Variants in LHX6 observed in about 807,000 individuals in gnomAD.
The protein encoded by LHX6 is LIM homeobox 6.
Under a neutral mutation model 47.1 loss-of-function variants are expected in LHX6, and 15 were observed. The observed-to-expected ratio is 0.32, with a 90% CI of 0.21 to 0.49. LHX6 has a LOEUF of 0.49. Among genes scored for constraint, LHX6 ranks in the 20% least tolerant of loss-of-function variants. The pLI is 0.99. For synonymous variants in LHX6, 242 were observed against 233.5 expected (o/e 1.04, Z -0.33); for missense variants, 404 against 539.6 (o/e 0.75, Z 2.49).
At chr9:122,216,608 A>G (rs1036951027) in intron 5 of LHX6, among the ~76,000 whole-genome samples, 2 of 152,166 alleles carry the variant, frequency 1.3e-5, no homozygotes, top group Admixed American at 1.3e-4. Flanking sequence ...TGGAGCTGCT[A>G]GGATAGGAAA....
chr9:122,226,912 G>A lies in LHX6; in HGVS notation c.275C>T (p.Pro92Leu). The A allele has an allele frequency of 1.3e-6, 2 of 1,563,510 alleles. No individual in the cohort carries two copies. The highest frequency in any genetic ancestry group is 1.7e-6 in the Non-Finnish European group (2 of 1,153,980). The change falls in exon 3 of 10, where the codon CCG (proline) becomes CTG (leucine). Residue 92 changes from proline to leucine, a missense_variant. Pro to Leu is a moderately conservative substitution (Grantham distance 98). This residue lies in a region of LHX6 where 144 missense variants were observed against 128.7 expected (regional missense o/e 1.12). Coordinates refer to ENST00000394319, the MANE Select transcript of LHX6 (RefSeq NM_014368.5). This position sits in a 1 kb window ranked among gnomAD's most constrained non-coding sequence, Gnocchi z 6.5. ...CSPPSAASSV[P>L]SAGKNICSSC... ...GGAGCAGATGTTCTTGCCTGCAGAC[G>A]GCACGGAGGAGGCGGCAGAGGGCGG...
intron 4 of LHX6, among the ~76,000 whole-genome samples, chr9:122,219,434 G>A (rs1265264784): frequency 6.6e-6 from 1 of 152,206 alleles, no homozygotes; most frequent in Non-Finnish European, 1.5e-5. Context: ...GCAGTAAAGG[G>A]GAGAGGAAAC....
In LHX6 at chr9:122,203,875, C is replaced by G. The variant is rs1255725196; in HGVS notation, c.*885G>C. 2 of 152,378 alleles carry G rather than the reference C, an allele frequency of 1.3e-5. No homozygotes were observed. The highest frequency in any genetic ancestry group is 2.9e-5 in the Non-Finnish European group (2 of 68,116). The allele number at this position is 152,378 out of a possible 1,614,324, so 9.4% of individuals were successfully genotyped here. A position where few individuals can be genotyped will look rare whatever the true frequency, so the allele number is the denominator to read the frequency against. ...CTATGAGAGGTCAACAAGTGGCCAA[C>G]AGGGGTCCCCAACTCTAACCTGTCC... On this transcript the variant is annotated 3_prime_UTR_variant, in exon 10 of 10. Coordinates refer to ENST00000394319, the MANE Select transcript of LHX6 (RefSeq NM_014368.5).
rs1373371597 is a variant in LHX6, at chr9:122,213,652, G to C, written c.1008C>G (p.Ser336Arg). 2 of 1,610,358 alleles carry C rather than the reference G, an allele frequency of 1.2e-6. No individual in the cohort carries two copies. The highest frequency in any genetic ancestry group is 1.1e-5 in the South Asian group (1 of 90,982). The change falls in exon 8 of 10, where the codon AGC becomes AGG. Residue 336 changes from serine to arginine, a missense_variant. Ser to Arg is a moderately radical substitution (Grantham distance 110). Coordinates refer to ENST00000394319, the MANE Select transcript of LHX6 (RefSeq NM_014368.5). This position sits in a 1 kb window ranked among gnomAD's most constrained non-coding sequence, Gnocchi z 5.5. ...LSDDIHYTPF[S>R]SPERARMVTL... is the part of the protein sequence containing the mutation. ...TGACCATGCGCGCCCGCTCGGGGCTGCTGAACGGGGTGTAGTGGATGTCGT... is the reference window on the plus strand; with the variant it reads ...TGACCATGCGCGCCCGCTCGGGGCTCCTGAACGGGGTGTAGTGGATGTCGT...
intron 4 of LHX6, among the ~76,000 whole-genome samples, chr9:122,223,948 T>C (rs572577705): frequency 1.2e-4 from 18 of 152,218 alleles, no homozygotes; most frequent in Admixed American, 8.5e-4. Context: ...TTCTGCTGGG[T>C]TCCCAAGCTG....
At position 122,203,586 on chromosome 9, in the gene LHX6, G is replaced by T. The variant is rs1444119369; in HGVS notation, c.*1174C>A. 1 of 152,708 alleles carries T rather than the reference G, an allele frequency of 6.5e-6. No individual in the cohort carries two copies. The highest frequency in any genetic ancestry group is 1.5e-5 in the Non-Finnish European group (1 of 68,110). 9.5% of individuals were successfully genotyped at this position (152,708 alleles called of 1,614,324 possible). A position where few individuals can be genotyped will look rare whatever the true frequency, so the allele number is the denominator to read the frequency against. On this transcript the variant is annotated 3_prime_UTR_variant, in exon 10 of 10. Transcript: ENST00000394319. ...GAGCCCTTTTGTTTGGGGTGGAAGA[G>T]TTGTAGCAGGATGGATGTTACGCAG...
chr9:122,221,476 C>T (rs773424099), intron 4 of LHX6: 99 of 985,394 alleles, frequency 1.0e-4, no homozygotes, highest in Non-Finnish European at 1.1e-4. Flanking sequence ...GGGCTCAAGG[C>T]GGAGGGCCAG....
chr9:122,228,431 A>G, intron 1 of LHX6: 1 of 1,461,908 alleles, frequency 6.8e-7, no homozygotes, highest in African/African-American at 1.4e-5. Context: ...TCTTTACTAA[A>G]TCGCTTTTTG....
intron 9 of LHX6, 147 bp downstream of exon 9, chr9:122,209,467 G>A (rs781531171): frequency 4.2e-6 from 5 of 1,199,466 alleles, no homozygotes; most frequent in Admixed American, 2.0e-5. Context: ...TGACTGCTGT[G>A]GGGGTGCGGT....
chr9:122,208,547 T>C (rs1830273262), intron 9 of LHX6, among the ~76,000 whole-genome samples: 1 of 152,122 alleles, frequency 6.6e-6, no homozygotes, highest in Admixed American at 6.5e-5. Context: ...AAATGTAAGG[T>C]TCGGCCGGGC....
chr9:122,221,740 C>A (rs755337854), intron 4 of LHX6: 249 of 985,438 alleles, frequency 2.5e-4, no homozygotes, highest in Non-Finnish European at 2.9e-4. Flanking sequence ...AGCCACACAT[C>A]AGAAAACACA....
At chr9:122,228,301 G>A (rs1463510950) in intron 1 of LHX6, 1 of 1,534,850 alleles carries the variant, frequency 6.5e-7, no homozygotes, top group Non-Finnish European at 8.7e-7. Flanking sequence ...TCGGCGCGCC[G>A]GGTACCGGCC....
At chr9:122,210,861 CCTGA>C (rs1252007120) in intron 8 of LHX6, among the ~76,000 whole-genome samples, 1 of 152,170 alleles carries the variant, frequency 6.6e-6, no homozygotes, top group Non-Finnish European at 1.5e-5. Context: ...CCACGCCCAG[CCTGA>C]CTTACTGCAT....
intron 4 of LHX6, chr9:122,221,455 C>T (rs1015778343): frequency 2.0e-6 from 2 of 985,386 alleles, no homozygotes; most frequent in South Asian, 4.7e-5. Context: ...CTGGAGCCCG[C>T]GACAGAGCTT....
intron 4 of LHX6, chr9:122,221,829 A>G: frequency 3.9e-6 from 2 of 509,330 alleles, no homozygotes; most frequent in Non-Finnish European, 5.1e-6. Flanking sequence ...CGGGTGGCTG[A>G]TATATCTCAC....
chr9:122,216,999 G>C (rs1830617948), intron 5 of LHX6, 69 bp downstream of exon 5: 4 of 1,342,426 alleles, frequency 3.0e-6, no homozygotes. Flanking sequence ...GGTGGTTCCT[G>C]GGGTGCTGGG....
Position 122,214,104 on chromosome 9 carries a change from GCA to G in LHX6, c.784-37_784-36del. ...GGGGAGGGCGGTGAGGCGCTCGCAC[GCA>G]GAGACTCCGAGACCCCGGCCCAATC... On this transcript the variant is annotated intron_variant, in intron 6 of 9. Transcript: ENST00000394319. The surrounding 1 kb of genome is among the most constrained non-coding windows in gnomAD (Gnocchi z 4.6). 6.4e-7 allele frequency: 1 copy of G among 1,565,578 alleles called. No homozygotes were observed. Among genetic ancestry groups the G allele is most frequent in the Non-Finnish European group, 8.7e-7 (1 of 1,154,622 alleles).
At chr9:122,227,574 A>G (rs969042698) in intron 1 of LHX6, 94 bp from the exon 2 acceptor site, 5 of 1,412,782 alleles carry the variant, frequency 3.5e-6, no homozygotes, top group African/African-American at 1.5e-5. Flanking sequence ...TGTTATATAA[A>G]CCGGCGCCGA....
chr9:122,215,339 A>G (rs77874797), intron 5 of LHX6, among the ~76,000 whole-genome samples: 2,130 of 152,352 alleles, frequency 0.014, 36 homozygotes, highest in African/African-American at 0.049. Flanking sequence ...CTTTTTGCTT[A>G]CCGTCTTTTC....
Sources: gnomAD v4.1 joint callset for allele counts (sites outside exome capture counted in the v4.1 genomes callset) on GRCh38, gnomAD v4.1.1 for gene constraint, gnomAD v4.1.1 regional missense constraint, Gnocchi (gnomAD v3.1) non-coding constraint, MANE v1.5 for transcripts, NCBI Gene and HGNC (gene_info 2026-07-23, HGNC 2026-07-21) for gene names.